The following KIAA0040 variants were observed in gnomAD, a reference collection of about 807,000 sequenced individuals.
KIAA0040 encodes the protein uncharacterized protein KIAA0040.
Under a neutral mutation model 7.2 loss-of-function variants are expected in KIAA0040, and 10 were observed. The ratio of observed to expected loss-of-function variants is 1.38; its 90% CI spans 0.85 to 2.34. KIAA0040 has a LOEUF of 2.34. Ranked by LOEUF, KIAA0040 falls within the 30% of genes most tolerant of loss-of-function variation. KIAA0040 has a pLI of 0.00. For missense variants in KIAA0040, 89 were observed against 108.2 expected, an observed-to-expected ratio of 0.82 and a Z score of 0.79; for synonymous variants, 49 against 40.1, an observed-to-expected ratio of 1.22 and a Z score of -0.84.
At chr1:175,182,192 T>C (rs544500317) in intron 1 of KIAA0040, among the ~76,000 whole-genome samples, 2 of 152,336 alleles carry the variant, frequency 1.3e-5, no homozygotes, top group South Asian at 4.1e-4. Context: ...CATTGGGGGC[T>C]ACAATTTCAA....
chr1:175,190,742 A>G (rs1677837397), intron 1 of KIAA0040, among the ~76,000 whole-genome samples: 1 of 152,076 alleles, frequency 6.6e-6, no homozygotes, highest in South Asian at 2.1e-4. Flanking sequence ...CCATCTCTCT[A>G]AGCCAGCCCC....
Position 175,160,625 on chromosome 1 carries a change from G to T in KIAA0040, c.*89C>A. ...TAGTTACTCTGTGGACATGGACATA[G>T]TGCATTATTTCAGGGGTTCCTGAAA... On this transcript the variant is annotated 3_prime_UTR_variant, in exon 4 of 4. Coordinates refer to ENST00000423313, the MANE Select transcript of KIAA0040 (RefSeq NM_014656.3). 1 of 1,215,520 alleles carries T rather than the reference G, an allele frequency of 8.2e-7. No individual in the cohort carries two copies. The highest frequency in any genetic ancestry group is 1.1e-6 in the Non-Finnish European group (1 of 889,204). The allele number at this position is 1,215,520 out of a possible 1,614,324, so 75.3% of individuals were successfully genotyped here.
At chr1:175,184,661 CTG>C (rs1347059385) in intron 1 of KIAA0040, among the ~76,000 whole-genome samples, 3 of 152,172 alleles carry the variant, frequency 2.0e-5, no homozygotes, top group Admixed American at 1.3e-4. Flanking sequence ...GTGCCAGACA[CTG>C]TGCACTGGAA....
chr1:175,164,936 G>A (rs1676697616), intron 3 of KIAA0040, among the ~76,000 whole-genome samples: 1 of 152,284 alleles, frequency 6.6e-6, no homozygotes, highest in South Asian at 2.1e-4. Context: ...CTAGCCTTTT[G>A]TTAGCTTTTG....
At chr1:175,176,975 C>T (rs1677225363) in intron 2 of KIAA0040, among the ~76,000 whole-genome samples, 1 of 152,174 alleles carries the variant, frequency 6.6e-6, no homozygotes. Flanking sequence ...CCCCCCTCGA[C>T]ACAGGGTTCC....
rs371031825 is a variant in KIAA0040, at chr1:175,190,881, C to T, written c.-384+1759G>A. Among the ~76,000 whole-genome samples, 87 of 152,296 alleles carry T rather than the reference C, an allele frequency of 5.7e-4. 1 individual carries two copies. Among genetic ancestry groups the T allele is most frequent in the African/African-American group, 1.9e-3 (78 of 41,556 alleles). On this transcript the variant is annotated intron_variant, in intron 1 of 3. Coordinates refer to ENST00000423313, the MANE Select transcript of KIAA0040 (RefSeq NM_014656.3). ...GTCTAGCAGTGTAATTCCTATTACA[C>T]GCTATTCCCTACCTGCCATTGACTT...
chr1:175,165,120 T>G (rs190327094), intron 3 of KIAA0040, among the ~76,000 whole-genome samples: 1 of 152,334 alleles, frequency 6.6e-6, no homozygotes, highest in East Asian at 1.9e-4. Flanking sequence ...CTCCATATCC[T>G]CTGTAGTATC....
At chr1:175,180,347 A>C (rs555828194) in intron 1 of KIAA0040, among the ~76,000 whole-genome samples, 1 of 152,234 alleles carries the variant, frequency 6.6e-6, no homozygotes, top group Non-Finnish European at 1.5e-5. Context: ...TTATAGATGA[A>C]GAAGCTCTGA....
chr1:175,187,412 C>T (rs1209681784), intron 1 of KIAA0040, among the ~76,000 whole-genome samples: 1 of 152,196 alleles, frequency 6.6e-6, no homozygotes, highest in Admixed American at 6.5e-5. Context: ...TTGCAGGCTA[C>T]AGCCAGGGCT....
At chr1:175,184,227 G>A (rs1677563634) in intron 1 of KIAA0040, among the ~76,000 whole-genome samples, 1 of 152,194 alleles carries the variant, frequency 6.6e-6, no homozygotes, top group Non-Finnish European at 1.5e-5. Context: ...CCATACGCTA[G>A]GAGTCTTTGA....
intron 1 of KIAA0040, among the ~76,000 whole-genome samples, chr1:175,187,674 C>A (rs1245691063): frequency 6.6e-6 from 1 of 152,150 alleles, no homozygotes; most frequent in Non-Finnish European, 1.5e-5. Flanking sequence ...TCCCATAACA[C>A]TAAGCTCATG....
At position 175,166,018 on chromosome 1, in the gene KIAA0040, G is replaced by A. The variant is rs2101881332; in HGVS notation, c.-134+544C>T. ...ACAATGGCACCCAATTAGAATCCCT[G>A]AGACCAACTCCAGAGTGACCTCCAA... On this transcript the variant is annotated intron_variant, in intron 3 of 3. Coordinates refer to ENST00000423313, the MANE Select transcript of KIAA0040 (RefSeq NM_014656.3). Among the ~76,000 whole-genome samples, 3 of 152,304 alleles carry A rather than the reference G, an allele frequency of 2.0e-5. No homozygotes were observed. The South Asian group carries it at 6.2e-4, about 32-fold the overall frequency.
Position 175,166,640 on chromosome 1 carries a change from G to T in KIAA0040, c.-212C>A, listed in dbSNP as rs1010164586. Reference sequence around the variant, plus strand: ...TACTTCTTGCTTTGCGTTGTCAGGGGATCTCGGCCAGAACTGCTTTCCTGG... The same window carrying T: ...TACTTCTTGCTTTGCGTTGTCAGGGTATCTCGGCCAGAACTGCTTTCCTGG... On this transcript the variant is annotated 5_prime_UTR_variant, in exon 3 of 4. Transcript: ENST00000423313. 6.6e-6 allele frequency: 1 copy of T among 152,246 alleles called. No homozygotes were observed. Among genetic ancestry groups the T allele is most frequent in the Non-Finnish European group, 1.5e-5 (1 of 68,082 alleles). The allele number at this position is 152,246 out of a possible 1,614,324, so 9.4% of individuals were successfully genotyped here. A position where few individuals can be genotyped will look rare whatever the true frequency, so the allele number is the denominator to read the frequency against.
At chr1:175,168,876 G>C (rs1676876513) in intron 2 of KIAA0040, among the ~76,000 whole-genome samples, 1 of 152,214 alleles carries the variant, frequency 6.6e-6, no homozygotes, top group Admixed American at 6.5e-5. Context: ...TTCCAGCCAA[G>C]GAAACGTGGC....
intron 2 of KIAA0040, among the ~76,000 whole-genome samples, chr1:175,177,168 G>A (rs1378534837): frequency 2.6e-5 from 4 of 152,216 alleles, no homozygotes; most frequent in African/African-American, 9.6e-5. Flanking sequence ...TGGCCTCAGG[G>A]CTGAGCTGTC....
At chr1:175,173,308 A>G (rs2101891832) in intron 2 of KIAA0040, among the ~76,000 whole-genome samples, 1 of 152,340 alleles carries the variant, frequency 6.6e-6, no homozygotes, top group East Asian at 1.9e-4. Context: ...CAAAAGTCTT[A>G]TCACCTTTCA....
intron 1 of KIAA0040, 25 bp from the exon 2 acceptor site, chr1:175,177,709 T>G (rs771410460): frequency 2.0e-4 from 30 of 152,198 alleles, no homozygotes; most frequent in Non-Finnish European, 3.5e-4. Context: ...AAGAAAATGA[T>G]AGCATGTACT....
chr1:175,163,861 A>C (rs1414896794), intron 3 of KIAA0040, among the ~76,000 whole-genome samples: 1 of 152,230 alleles, frequency 6.6e-6, no homozygotes, highest in Non-Finnish European at 1.5e-5. Context: ...GGGTTCAGCC[A>C]GCAAGGAAGG....
intron 2 of KIAA0040, among the ~76,000 whole-genome samples, chr1:175,174,364 A>C (rs944437788): frequency 6.6e-6 from 1 of 152,108 alleles, no homozygotes. Context: ...CACAATACAA[A>C]CAGCTGGCCC....
Sources: gnomAD v4.1 joint callset for allele counts (sites outside exome capture counted in the v4.1 genomes callset) on GRCh38, gnomAD v4.1.1 for gene constraint, MANE v1.5 for transcripts, NCBI Gene and HGNC (gene_info 2026-07-23, HGNC 2026-07-21) for gene names.